Variants in CCDC91 observed in about 807,000 individuals in gnomAD.
CCDC91 encodes coiled-coil domain containing 91.
A neutral mutation model predicts 63.2 loss-of-function variants in CCDC91; 48 were observed. The ratio of observed to expected loss-of-function variants is 0.76; its 90% CI spans 0.60 to 0.97. The LOEUF (loss-of-function observed/expected upper bound fraction) is 0.97. Among genes scored for constraint, CCDC91 ranks in the 50% least tolerant of loss-of-function variants. The pLI is 0.00. For synonymous variants in CCDC91, 167 were observed against 165.8 expected (o/e 1.01, Z -0.06); for missense variants, 500 against 494.6 (o/e 1.01, Z -0.10).
chr12:28,233,559 G>T (rs1475015442), intron 1 of CCDC91, among the ~76,000 whole-genome samples: 3 of 152,114 alleles, frequency 2.0e-5, no homozygotes, highest in African/African-American at 7.2e-5. Context: ...ACCCAAATAG[G>T]AAGTAGTTCT....
chr12:28,462,853 A>T (rs1354909760), intron 11 of CCDC91, among the ~76,000 whole-genome samples: 1 of 152,162 alleles, frequency 6.6e-6, no homozygotes, highest in Non-Finnish European at 1.5e-5. Flanking sequence ...ATCTACCCAC[A>T]TTGTGATGTA....
chr12:28,216,339 G>A (rs951480049), intron 1 of CCDC91, among the ~76,000 whole-genome samples: 1 of 151,934 alleles, frequency 6.6e-6, no homozygotes, highest in African/African-American at 2.4e-5. Flanking sequence ...AGAAAATGTA[G>A]TCATTTTCTA....
At chr12:28,379,348 A>G (rs567173550) in intron 7 of CCDC91, among the ~76,000 whole-genome samples, 19 of 151,932 alleles carry the variant, frequency 1.3e-4, no homozygotes, top group African/African-American at 4.6e-4. Flanking sequence ...AGAAACTACC[A>G]TCAGAGTGAA....
intron 12 of CCDC91, among the ~76,000 whole-genome samples, chr12:28,500,194 T>TG (rs1952560444): frequency 1.3e-5 from 2 of 151,526 alleles, no homozygotes; most frequent in East Asian, 1.9e-4. Context: ...ATGGGGTTTT[T>TG]TTTTTTTCTT....
intron 3 of CCDC91, among the ~76,000 whole-genome samples, chr12:28,264,093 A>G (rs566435491): frequency 6.6e-6 from 1 of 151,974 alleles, no homozygotes; most frequent in East Asian, 1.9e-4. Context: ...TTTCTGAAAG[A>G]AACAACAGCT....
intron 7 of CCDC91, among the ~76,000 whole-genome samples, chr12:28,382,676 G>A (rs1945366256): frequency 1.3e-5 from 2 of 152,022 alleles, no homozygotes; most frequent in Admixed American, 1.3e-4. Context: ...AGAGTATACC[G>A]CCTCCTTGCA....
chr12:28,458,455 C>CTTTTTTTTTTTTTTTTT lies in CCDC91; in HGVS notation c.1101+5817_1101+5833dup, dbSNP rs60083355. On this transcript the variant is annotated intron_variant, in intron 11 of 12. Transcript: ENST00000536442. ...TTCCCTTTTGTCCTCATTTGCACAC[C>CTTTTTTTTTTTTTTTTT]TTTTTTTTTTTTTTTTTTTTTTTTT... Among the ~76,000 whole-genome samples the CTTTTTTTTTTTTTTTTT allele has an allele frequency of 2.0e-4, 9 of 45,808 alleles. 2 individuals are homozygous for CTTTTTTTTTTTTTTTTT. The highest frequency in any genetic ancestry group is 2.1e-3 in the East Asian group (2 of 952). 30.1% of individuals were successfully genotyped at this position (45,808 alleles called of 152,430 possible). A position where few individuals can be genotyped will look rare whatever the true frequency, so the allele number is the denominator to read the frequency against.
At chr12:28,372,998 G>T (rs1186348717) in intron 7 of CCDC91, among the ~76,000 whole-genome samples, 1 of 152,080 alleles carries the variant, frequency 6.6e-6, no homozygotes, top group East Asian at 1.9e-4. Flanking sequence ...TTTGAGGAAT[G>T]CCTCTTCTGT....
rs541620960 is a variant in CCDC91, at chr12:28,193,469, C to T, written c.-15+2828C>T. ...TACAAAAATTAGCTGGGCGTGGTTG[C>T]GGGTGCCTGTAATCCCAGCTACTCA... is the stretch of plus-strand genomic sequence containing the variant. On this transcript the variant is annotated intron_variant, in intron 1 of 12. Coordinates refer to ENST00000536442, the MANE Select transcript of CCDC91 (RefSeq NM_018318.5). Among the ~76,000 whole-genome samples, 8 of 152,130 alleles carry T rather than the reference C, an allele frequency of 5.3e-5. No individual in the cohort carries two copies. In the South Asian group the frequency reaches 6.3e-4, roughly 12 times the overall value.
intron 8 of CCDC91, among the ~76,000 whole-genome samples, chr12:28,422,939 T>A (rs1177911846): frequency 6.6e-6 from 1 of 150,762 alleles, no homozygotes. Context: ...AATTCCAAGG[T>A]TGTTGTTGTT....
At chr12:28,462,396 A>G (rs1218738436) in intron 11 of CCDC91, among the ~76,000 whole-genome samples, 1 of 152,136 alleles carries the variant, frequency 6.6e-6, no homozygotes. Context: ...TGGCTAAGTT[A>G]TCACCTACCT....
intron 3 of CCDC91, among the ~76,000 whole-genome samples, chr12:28,292,443 G>A (rs556777034): frequency 5.3e-5 from 8 of 152,066 alleles, no homozygotes. Flanking sequence ...TAAGAGTTTA[G>A]GTGTCTAATA....
intron 12 of CCDC91, among the ~76,000 whole-genome samples, chr12:28,519,167 G>T (rs1220076089): frequency 6.6e-6 from 1 of 151,812 alleles, no homozygotes; most frequent in Non-Finnish European, 1.5e-5. Flanking sequence ...TATTGATTCT[G>T]TCCATCCATG....
intron 6 of CCDC91, among the ~76,000 whole-genome samples, chr12:28,347,131 T>C (rs73263482): frequency 0.029 from 4,345 of 152,268 alleles, 178 homozygotes; most frequent in African/African-American, 0.094. Context: ...GTTCAGTCCA[T>C]CATATTGTTT....
chr12:28,365,593 A>C (rs571778195), intron 7 of CCDC91, among the ~76,000 whole-genome samples: 1 of 152,308 alleles, frequency 6.6e-6, no homozygotes, highest in East Asian at 1.9e-4. Flanking sequence ...TTCTCTTTGC[A>C]TTTATTCATT....
intron 6 of CCDC91, among the ~76,000 whole-genome samples, chr12:28,354,011 G>A (rs755347197): frequency 2.6e-5 from 4 of 152,092 alleles, no homozygotes; most frequent in East Asian, 1.9e-4. Context: ...AGTTTTCTAC[G>A]TAACAAACCT....
chr12:28,412,527 T>C (rs1947379076), intron 8 of CCDC91, among the ~76,000 whole-genome samples: 1 of 152,148 alleles, frequency 6.6e-6, no homozygotes, highest in Non-Finnish European at 1.5e-5. Flanking sequence ...GGGATCGTGG[T>C]CTTGCTGACT....
At chr12:28,359,044 C>T (rs2138468249) in intron 6 of CCDC91, among the ~76,000 whole-genome samples, 1 of 152,198 alleles carries the variant, frequency 6.6e-6, no homozygotes, top group East Asian at 1.9e-4. Context: ...TACAGGCTTC[C>T]ACCACCACGC....
In CCDC91 at chr12:28,548,880, A is replaced by T. The variant is rs183623030; in HGVS notation, c.1216-183A>T. ...ATAAAACTATAATGATTATCATCTC[A>T]TCTTAGATGATTTAGGCCAGAAAGA... is the stretch of plus-strand genomic sequence containing the variant. On this transcript the variant is annotated intron_variant, in intron 12 of 12. Coordinates refer to ENST00000536442, the MANE Select transcript of CCDC91 (RefSeq NM_018318.5). 2.4e-4 allele frequency among the ~76,000 whole-genome samples: 37 copies of T among 152,292 alleles called. 1 individual carries two copies. The East Asian group carries it at 6.8e-3, about 28-fold the overall frequency.
Sources: allele counts gnomAD v4.1 joint callset (sites outside exome capture counted in the v4.1 genomes callset), GRCh38; gene constraint gnomAD v4.1.1; transcripts MANE v1.5; gene names NCBI Gene and HGNC (gene_info 2026-07-23, HGNC 2026-07-21).